ZNF407: variants seen among roughly 807,000 people sequenced by gnomAD.
ZNF407 encodes the protein zinc finger protein 407.
In ZNF407, 17 loss-of-function variants were observed where a neutral mutation model predicts 131.2. The ratio of observed to expected loss-of-function variants is 0.13; its 90% confidence interval spans 0.09 to 0.19. The LOEUF is 0.19. Ranked by LOEUF, ZNF407 falls within the 10% of genes least tolerant of loss-of-function variation. The pLI, the probability that ZNF407 is intolerant of heterozygous loss-of-function variation, is 1.00. For missense variants in ZNF407, 2,681 were observed against 2,830.6 expected, an observed-to-expected ratio of 0.95 and a Z score of 1.20; for synonymous variants, 1,156 against 1,062.0, an observed-to-expected ratio of 1.09 and a Z score of -1.72.
At chr18:74,900,032 T>C (rs1428122252) in intron 7 of ZNF407, among the ~76,000 whole-genome samples, 1 of 152,234 alleles carries the variant, frequency 6.6e-6, no homozygotes, top group African/African-American at 2.4e-5. Flanking sequence ...TTCATTTGTT[T>C]GCGTAAAATC....
chr18:74,832,260 A>T (rs1373251518), intron 4 of ZNF407, among the ~76,000 whole-genome samples: 1 of 152,178 alleles, frequency 6.6e-6, no homozygotes, highest in Non-Finnish European at 1.5e-5. Context: ...TTTTCTGATT[A>T]TAGTACTCAT....
chr18:75,016,898 T>TTGCC (rs1409545406), intron 8 of ZNF407, among the ~76,000 whole-genome samples: 2 of 152,144 alleles, frequency 1.3e-5, no homozygotes, highest in African/African-American at 4.8e-5. Flanking sequence ...GTTATCACAA[T>TTGCC]TGCCCTGAAG....
intron 3 of ZNF407, among the ~76,000 whole-genome samples, chr18:74,676,952 C>G (rs577213940): frequency 6.6e-6 from 1 of 152,170 alleles, no homozygotes; most frequent in African/African-American, 2.4e-5. Flanking sequence ...CCACTGCCCC[C>G]GTCTTCCCTC....
chr18:74,608,168 T>TG (rs1982891280), intron 1 of ZNF407, among the ~76,000 whole-genome samples: 1 of 152,238 alleles, frequency 6.6e-6, no homozygotes, highest in South Asian at 2.1e-4. Flanking sequence ...GTTGTTCTCA[T>TG]GTATCCATAA....
rs117265505 is a variant in ZNF407 at position 74,865,076 on chromosome 18, C to T, written c.4878-12121C>T. On this transcript the variant is annotated intron_variant, in intron 4 of 8. Transcript: ENST00000299687. ...GAACCATCTCTTGAAGCCTCTGCTC[C>T]TATCTTTGCGCAGATGCTGTACTCA... is the stretch of plus-strand genomic sequence containing the variant. 6.7e-3 allele frequency among the ~76,000 whole-genome samples: 1,024 copies of T among 152,306 alleles called. 27 individuals carry two copies. The highest frequency in any genetic ancestry group is 0.045 in the Admixed American group (684 of 15,302).
intron 3 of ZNF407, among the ~76,000 whole-genome samples, chr18:74,766,862 T>C (rs764569665): frequency 1.3e-5 from 2 of 152,218 alleles, no homozygotes; most frequent in Non-Finnish European, 2.9e-5. Context: ...ATAAGGGGAC[T>C]AAAACTGGGA....
In ZNF407 at chr18:74,632,719, T is replaced by A; in HGVS notation, c.1700T>A (p.Met567Lys). Residue 567 changes from methionine to lysine, a missense_variant, in exon 2 of 9, where the codon ATG becomes AAG. Coordinates refer to ENST00000299687, the MANE Select transcript of ZNF407 (RefSeq NM_017757.3). ...TGCCGTACTTGTGACTTCTCTAGTA[T>A]GTCAAGAAGGGACTTAGATGAACAT... ...FYCRTCDFSS[M>K]SRRDLDEHLH... The A allele has an allele frequency of 6.2e-7, 1 of 1,614,060 alleles. No individual in the cohort carries two copies. Among genetic ancestry groups the A allele is most frequent in the Non-Finnish European group, 8.5e-7 (1 of 1,179,900 alleles).
intron 4 of ZNF407, among the ~76,000 whole-genome samples, chr18:74,851,450 A>G (rs532717096): frequency 1.3e-5 from 2 of 152,312 alleles, no homozygotes; most frequent in African/African-American, 4.8e-5. Context: ...TTTATGTATT[A>G]TACTTATATA....
At chr18:75,013,063 G>T (rs543834221) in intron 8 of ZNF407, among the ~76,000 whole-genome samples, 56 of 151,886 alleles carry the variant, frequency 3.7e-4, no homozygotes, top group African/African-American at 1.3e-3. Flanking sequence ...TGCCCATAGA[G>T]TTTGAAACTT....
At chr18:74,836,986 A>G (rs147277485) in intron 4 of ZNF407, among the ~76,000 whole-genome samples, 8 of 152,298 alleles carry the variant, frequency 5.3e-5, no homozygotes, top group Admixed American at 2.0e-4. Context: ...GAAATGTGCT[A>G]CTGCAGAAGG....
intron 4 of ZNF407, among the ~76,000 whole-genome samples, chr18:74,854,082 C>T (rs1970826037): frequency 6.6e-6 from 1 of 152,160 alleles, no homozygotes; most frequent in Non-Finnish European, 1.5e-5. Flanking sequence ...CCCAGCCTCT[C>T]TGACTGCTTT....
At chr18:74,895,027 A>G (rs1971434649) in intron 7 of ZNF407, among the ~76,000 whole-genome samples, 1 of 151,956 alleles carries the variant, frequency 6.6e-6, no homozygotes, top group East Asian at 1.9e-4. Flanking sequence ...CCCTGAGTAG[A>G]AAGTCTGTAT....
At chr18:74,625,930 C>A (rs1394956668) in intron 1 of ZNF407, among the ~76,000 whole-genome samples, 1 of 152,040 alleles carries the variant, frequency 6.6e-6, no homozygotes, top group Non-Finnish European at 1.5e-5. Context: ...ACATAAATAA[C>A]CATAACAGAA....
intron 4 of ZNF407, among the ~76,000 whole-genome samples, chr18:74,867,936 A>T (rs1188469904): frequency 1.3e-5 from 2 of 152,188 alleles, no homozygotes; most frequent in African/African-American, 4.8e-5. Context: ...GTTGAAATGT[A>T]AAAGAAAATA....
intron 4 of ZNF407, among the ~76,000 whole-genome samples, chr18:74,818,664 A>G (rs1970299324): frequency 6.6e-6 from 1 of 152,234 alleles, no homozygotes; most frequent in Non-Finnish European, 1.5e-5. Context: ...CTTTGGCTAA[A>G]TCAAAAATCA....
In ZNF407 at chr18:74,808,171, G is replaced by A. The variant is rs112127430; in HGVS notation, c.4877+26669G>A. Among the ~76,000 whole-genome samples the A allele has an allele frequency of 1.4e-3, 212 of 152,200 alleles. 1 individual carries two copies. Among genetic ancestry groups the A allele is most frequent in the African/African-American group, 4.8e-3 (201 of 41,538 alleles). ...TGGGATTACATACATGTGCCACCACGCTTGGCTAATTTTGTATTTTTAGTA... is the reference window on the plus strand; with the variant it reads ...TGGGATTACATACATGTGCCACCACACTTGGCTAATTTTGTATTTTTAGTA... On this transcript the variant is annotated intron_variant, in intron 4 of 8. Transcript: ENST00000299687.
At chr18:74,803,998 C>T (rs1279185267) in intron 4 of ZNF407, 2 of 1,551,760 alleles carry the variant, frequency 1.3e-6, no homozygotes, top group Non-Finnish European at 1.7e-6. Flanking sequence ...CGGGACGTTG[C>T]CAGGAATACA....
Position 74,631,603 on chromosome 18 carries a change from T to A in ZNF407, c.584T>A (p.Phe195Tyr). ...AAATGCAGCATCTGTGGGCATTTGT[T>A]TTCTTCTTGCTCTGACTTGGAAAAA... The part of the protein sequence containing the change: ...VLKCSICGHL[F>Y]SSCSDLEKHA... Residue 195 changes from phenylalanine (F) to tyrosine (Y), a missense_variant, in exon 2 of 9, where the codon TTT becomes TAT. Transcript: ENST00000299687. 6.2e-7 allele frequency: 1 copy of A among 1,613,860 alleles called. No individual in the cohort carries two copies.
At chr18:74,975,021 A>C (rs1333424080) in intron 8 of ZNF407, among the ~76,000 whole-genome samples, 1 of 152,228 alleles carries the variant, frequency 6.6e-6, no homozygotes, top group African/African-American at 2.4e-5. Context: ...TGTGCCCATT[A>C]ATACATACTT....
Sources: gnomAD v4.1 joint callset for allele counts (sites outside exome capture counted in the v4.1 genomes callset) on GRCh38, gnomAD v4.1.1 for gene constraint, MANE v1.5 for transcripts, NCBI Gene and HGNC (gene_info 2026-07-23, HGNC 2026-07-21) for gene names.